ZNF439: variants seen among roughly 807,000 people sequenced by gnomAD.
ZNF439 encodes the protein zinc finger protein 439.
ZNF439 carries 40 observed loss-of-function variants against 47.3 expected under a neutral mutation model. That is an observed-to-expected ratio of 0.85 (90% CI 0.66 to 1.10). The LOEUF (loss-of-function observed/expected upper bound fraction) is 1.10. Among genes scored for constraint, ZNF439 ranks in the 50% least tolerant of loss-of-function variants. ZNF439 has a pLI of 0.00. For synonymous variants in ZNF439, 171 were observed against 198.8 expected (o/e 0.86, Z 1.18); for missense variants, 556 against 601.1 (o/e 0.93, Z 0.78).
intron 1 of ZNF439, among the ~76,000 whole-genome samples, chr19:11,860,385 T>C (rs1296426849): frequency 6.6e-6 from 1 of 152,192 alleles, no homozygotes; most frequent in Non-Finnish European, 1.5e-5. Context: ...AGCACCTACC[T>C]TATATTGCTC....
At position 11,867,853 on chromosome 19, in the gene ZNF439, A is replaced by G; in HGVS notation, c.799A>G (p.Arg267Gly). 6.2e-7 allele frequency: 1 copy of G among 1,613,956 alleles called. No individual in the cohort carries two copies. Reference sequence around the variant, plus strand: ...TTCTGCTACCCATCGAATACATGAAAGAACTCACATTGGAGAAAAGCCTTA... The same window carrying G: ...TTCTGCTACCCATCGAATACATGAAGGAACTCACATTGGAGAAAAGCCTTA... ...SYSATHRIHE[R>G]THIGEKPYEC... is the part of the protein sequence containing the mutation. The change falls in exon 4 of 4, where the codon AGA becomes GGA. Residue 267 changes from arginine (R) to glycine (G), a missense_variant. Arg to Gly is a moderately radical substitution (Grantham distance 125, BLOSUM62 -2). Coordinates refer to ENST00000682736, the MANE Select transcript of ZNF439 (RefSeq NM_001348719.2).
At chr19:11,864,767 T>C (rs1199071477) in intron 1 of ZNF439, among the ~76,000 whole-genome samples, 1 of 152,104 alleles carries the variant, frequency 6.6e-6, no homozygotes, top group Non-Finnish European at 1.5e-5. Context: ...ATATATGTCG[T>C]AGTATGGGCC....
At chr19:11,858,228 G>A (rs918259409) in intron 1 of ZNF439, 2 of 152,026 alleles carry the variant, frequency 1.3e-5, no homozygotes, top group Non-Finnish European at 2.9e-5. Context: ...GGAGGCCGAG[G>A]TGGGTGGATC....
At chr19:11,860,208 G>A (rs547963278) in intron 1 of ZNF439, among the ~76,000 whole-genome samples, 2 of 152,222 alleles carry the variant, frequency 1.3e-5, no homozygotes, top group South Asian at 2.1e-4. Context: ...TTGGGAGGCC[G>A]AGGCGGGTGG....
At chr19:11,849,008 G>T (rs979527527) in intron 1 of ZNF439, 78 bp downstream of exon 1, 33 of 1,411,376 alleles carry the variant, frequency 2.3e-5, no homozygotes, top group Non-Finnish European at 2.7e-5. Flanking sequence ...CCCTGTGGGC[G>T]ACTCCGGGGT....
intron 1 of ZNF439, among the ~76,000 whole-genome samples, chr19:11,851,989 T>G (rs1014594170): frequency 6.6e-6 from 1 of 152,206 alleles, no homozygotes; most frequent in African/African-American, 2.4e-5. Flanking sequence ...CCCCCAGAGC[T>G]TGTTTTCTTT....
In ZNF439 at chr19:11,868,413, A is replaced by C; in HGVS notation, c.1359A>C (p.Arg453Ser). 6.2e-7 allele frequency: 1 copy of C among 1,613,544 alleles called. No individual in the cohort carries two copies. Among genetic ancestry groups the C allele is most frequent in the Non-Finnish European group, 8.5e-7 (1 of 1,179,886 alleles). Reference protein sequence around the residue: ...YQCKECGKAFRSASQLRIHRR... With the variant: ...YQCKECGKAFSSASQLRIHRR... ...GTAAGGAATGTGGGAAAGCTTTCAGATCTGCCTCACAACTTCGAATCCATC... is the reference window on the plus strand; with the variant it reads ...GTAAGGAATGTGGGAAAGCTTTCAGCTCTGCCTCACAACTTCGAATCCATC... Residue 453 changes from arginine (R) to serine (S), a missense_variant, in exon 4 of 4, where the codon AGA becomes AGC. Arg to Ser is a moderately radical substitution (Grantham distance 110). Coordinates refer to ENST00000682736, the MANE Select transcript of ZNF439 (RefSeq NM_001348719.2).
intron 1 of ZNF439, chr19:11,850,383 G>A (rs1182294588): frequency 6.6e-6 from 1 of 152,030 alleles, no homozygotes; most frequent in Non-Finnish European, 1.5e-5. Flanking sequence ...CAGAAGATAT[G>A]TTTTTATTTT....
chr19:11,848,757 T>C lies in ZNF439; in HGVS notation c.-111T>C. On this transcript the variant is annotated 5_prime_UTR_variant, in exon 1 of 4. Coordinates refer to ENST00000682736, the MANE Select transcript of ZNF439 (RefSeq NM_001348719.2). The stretch of plus-strand genomic sequence containing the variant: ...CATCCAGGCACGGAGGATGTTGCAT[T>C]CCTGCCGTCACCTTTGTCGCTGCGA... 4 of 1,272,536 alleles carry C rather than the reference T, an allele frequency of 3.1e-6. No individual in the cohort carries two copies. Among genetic ancestry groups the C allele is most frequent in the Non-Finnish European group, 4.1e-6 (4 of 985,190 alleles). The allele number at this position is 1,272,536 out of a possible 1,614,324, so 78.8% of individuals were successfully genotyped here.
chr19:11,868,974 G>T lies in ZNF439; in HGVS notation c.*405G>T. On this transcript the variant is annotated 3_prime_UTR_variant, in exon 4 of 4. Transcript: ENST00000682736. ...ATACATGCAAAACACACACTGGAGA[G>T]AAACCTATGAATGTAAGGAATGCAA... 1 of 301,820 alleles carries T rather than the reference G, an allele frequency of 3.3e-6. No individual in the cohort carries two copies. Among genetic ancestry groups the T allele is most frequent in the South Asian group, 3.8e-5 (1 of 26,382 alleles). The allele number at this position is 301,820 out of a possible 1,614,324, so 18.7% of individuals were successfully genotyped here. A position where few individuals can be genotyped will look rare whatever the true frequency, so the allele number is the denominator to read the frequency against.
intron 1 of ZNF439, chr19:11,855,896 C>T (rs1036157828): frequency 2.0e-5 from 3 of 152,312 alleles, no homozygotes; most frequent in African/African-American, 7.2e-5. Context: ...TCTTCACACT[C>T]AGGCTCAGCT....
At position 11,867,287 on chromosome 19, in the gene ZNF439, T is replaced by A. The variant is rs1976712111; in HGVS notation, c.252-19T>A. The A allele has an allele frequency of 1.3e-6, 2 of 1,595,518 alleles. No individual in the cohort carries two copies. The highest frequency in any genetic ancestry group is 4.5e-5 in the East Asian group (2 of 44,810). ...ACTTATAAACAAACTCTTCATAATTTGTTTCTCATTTTTGACAGGAGTGTC... is the reference window on the plus strand; with the variant it reads ...ACTTATAAACAAACTCTTCATAATTAGTTTCTCATTTTTGACAGGAGTGTC... On this transcript the variant is annotated intron_variant, in intron 3 of 3. Transcript: ENST00000682736.
At chr19:11,852,687 T>C (rs889106523) in intron 1 of ZNF439, among the ~76,000 whole-genome samples, 3 of 152,088 alleles carry the variant, frequency 2.0e-5, no homozygotes, top group Non-Finnish European at 2.9e-5. Flanking sequence ...TTTTTGTATT[T>C]TTAGTAAAGA....
At position 11,863,883 on chromosome 19, in the gene ZNF439, A is replaced by G. The variant is rs557334855; in HGVS notation, c.64-2322A>G. Reference sequence around the variant, plus strand: ...TCAGTACCATTTGTTTTGTGCCACCATGTCTAATTATTTATTTTATTATGG... The same window carrying G: ...TCAGTACCATTTGTTTTGTGCCACCGTGTCTAATTATTTATTTTATTATGG... On this transcript the variant is annotated intron_variant, in intron 1 of 3. Transcript: ENST00000682736. Among the ~76,000 whole-genome samples, 13 of 152,266 alleles carry G rather than the reference A, an allele frequency of 8.5e-5. No individual in the cohort carries two copies. The East Asian group carries it at 2.5e-3, about 29-fold the overall frequency.
intron 1 of ZNF439, among the ~76,000 whole-genome samples, chr19:11,862,407 G>C (rs1489772285): frequency 6.6e-6 from 1 of 151,654 alleles, no homozygotes; most frequent in Non-Finnish European, 1.5e-5. Flanking sequence ...TACAGTGTGA[G>C]AACTCCTCTA....
chr19:11,849,176 C>T, intron 1 of ZNF439: 1 of 1,078,646 alleles, frequency 9.3e-7, no homozygotes, highest in Non-Finnish European at 1.1e-6. Flanking sequence ...GCGCCCGCAG[C>T]CCGACGCCCC....
chr19:11,852,627 A>C (rs1214018760), intron 1 of ZNF439, among the ~76,000 whole-genome samples: 1 of 152,128 alleles, frequency 6.6e-6, no homozygotes. Context: ...CTCCTGCCTT[A>C]GCCTCCCAAG....
At chr19:11,855,506 T>A (rs1976361507) in intron 1 of ZNF439, among the ~76,000 whole-genome samples, 1 of 152,154 alleles carries the variant, frequency 6.6e-6, no homozygotes, top group African/African-American at 2.4e-5. Context: ...ATCTCTGTGG[T>A]GATACACAAA....
chr19:11,851,272 T>C (rs8103871), intron 1 of ZNF439, among the ~76,000 whole-genome samples: 26,558 of 152,216 alleles, frequency 0.17, 3,115 homozygotes, highest in African/African-American at 0.33. Context: ...GCATGTGGGC[T>C]GACAGCATCA....
Sources: gnomAD v4.1 joint callset for allele counts (sites outside exome capture counted in the v4.1 genomes callset) on GRCh38, gnomAD v4.1.1 for gene constraint, MANE v1.5 for transcripts, NCBI Gene and HGNC (gene_info 2026-07-23, HGNC 2026-07-21) for gene names.